Variants in ATCAY observed in about 807,000 individuals in gnomAD.
ATCAY encodes the protein ATCAY kinesin light chain interacting caytaxin.
Under a neutral mutation model 47.7 loss-of-function variants are expected in ATCAY, and 22 were observed. The observed-to-expected ratio is 0.46, with a 90% CI of 0.33 to 0.66. The LOEUF (loss-of-function observed/expected upper bound fraction) is 0.66. ATCAY is among the 30% of genes least tolerant of loss of function. The pLI, the probability that ATCAY is intolerant of heterozygous loss-of-function variation, is 0.02. For missense variants in ATCAY, 452 were observed against 515.0 expected (o/e 0.88, Z 1.18); for synonymous variants, 216 against 207.6 (o/e 1.04, Z -0.35).
intron 8 of ATCAY, among the ~76,000 whole-genome samples, chr19:3,912,793 G>A (rs1325572344): frequency 6.6e-6 from 1 of 151,962 alleles, no homozygotes; most frequent in African/African-American, 2.4e-5. Context: ...GCTGAGGGAG[G>A]AGGATCACTT....
rs112981952 is a variant in ATCAY at position 3,885,971 on chromosome 19, G to A, written c.77+127G>A. On this transcript the variant is annotated intron_variant, in intron 2 of 12. Coordinates refer to ENST00000450849, the MANE Select transcript of ATCAY (RefSeq NM_033064.5). ...GGGGCTGGCCTGGTTCCATCTCCGC[G>A]TCCTCCTCTCCCGCACACTCTGGGA... 225 of 876,018 alleles carry A rather than the reference G, an allele frequency of 2.6e-4. No homozygotes were observed. The African/African-American group carries it at 2.9e-3, about 11-fold the overall frequency. The allele number at this position is 876,018 out of a possible 1,614,324, so 54.3% of individuals were successfully genotyped here.
chr19:3,897,262 G>A (rs1028425509), intron 2 of ATCAY, among the ~76,000 whole-genome samples: 2 of 124,782 alleles, frequency 1.6e-5, no homozygotes, highest in African/African-American at 3.2e-5. Flanking sequence ...TTTGAAGTTT[G>A]CTATATATAT....
In ATCAY at chr19:3,887,171, CAG is replaced by C. The variant is rs931463348; in HGVS notation, c.77+1328_77+1329del. On this transcript the variant is annotated intron_variant, in intron 2 of 12. Transcript: ENST00000450849. The stretch of plus-strand genomic sequence containing the variant: ...GATCACTGGTCAGAATAAGAAATCA[CAG>C]GGGCTGGGCACGGTGGCTCACGCCT... Among the ~76,000 whole-genome samples, 16 of 152,136 alleles carry C rather than the reference CAG, an allele frequency of 1.1e-4. 2 individuals carry two copies. The highest frequency in any genetic ancestry group is 3.9e-4 in the East Asian group (2 of 5,146).
chr19:3,917,621 G>GAAA, intron 9 of ATCAY, 121 bp from the exon 10 acceptor site: 1 of 415,150 alleles, frequency 2.4e-6, no homozygotes. Flanking sequence ...GGAAGAAGAA[G>GAAA]AAGAAGAAAA....
Position 3,885,711 on chromosome 19 carries a change from T to C in ATCAY, c.-41-16T>C. 1 of 1,468,114 alleles carries C rather than the reference T, an allele frequency of 6.8e-7. No homozygotes were observed. The highest frequency in any genetic ancestry group is 9.3e-7 in the Non-Finnish European group (1 of 1,074,620). The allele number at this position is 1,468,114 out of a possible 1,614,324, so 90.9% of individuals were successfully genotyped here. A position where few individuals can be genotyped will look rare whatever the true frequency, so the allele number is the denominator to read the frequency against. ...TATTGTCCAGTAAAACCCATTCCTC[T>C]GCGGCTTCCTTTCAGGGGTCATCCC... On this transcript the variant is annotated splice_polypyrimidine_tract_variant and intron_variant, in intron 1 of 12. Transcript: ENST00000450849.
chr19:3,918,938 T>A, intron 11 of ATCAY, 61 bp downstream of exon 11: 1 of 1,579,706 alleles, frequency 6.3e-7, no homozygotes. Flanking sequence ...CCTACTCCCT[T>A]GGGGGAGGCT....
chr19:3,902,608 C>A, intron 3 of ATCAY, 63 bp downstream of exon 3: 3 of 1,492,666 alleles, frequency 2.0e-6, no homozygotes, highest in South Asian at 1.2e-5. Flanking sequence ...TCAGCCCTGC[C>A]TGGGGCTGTA....
In ATCAY at chr19:3,927,335, G is replaced by C. The variant is rs577128024; in HGVS notation, c.*2743G>C. 5.3e-5 allele frequency: 8 copies of C among 152,330 alleles called. No homozygotes were observed. Among genetic ancestry groups the C allele is most frequent in the African/African-American group, 1.9e-4 (8 of 41,552 alleles). 9.4% of individuals were successfully genotyped at this position (152,330 alleles called of 1,614,324 possible). A position where few individuals can be genotyped will look rare whatever the true frequency, so the allele number is the denominator to read the frequency against. ...ATTTGTCCCAGGTGACCAAAGGCACGCAGCTCCAGCATGAATCGTTCTAAC... is the reference window on the plus strand; with the variant it reads ...ATTTGTCCCAGGTGACCAAAGGCACCCAGCTCCAGCATGAATCGTTCTAAC... On this transcript the variant is annotated 3_prime_UTR_variant, in exon 13 of 13. Coordinates refer to ENST00000450849, the MANE Select transcript of ATCAY (RefSeq NM_033064.5).
intron 12 of ATCAY, among the ~76,000 whole-genome samples, chr19:3,923,919 T>G (rs2039042670): frequency 8.3e-6 from 1 of 119,882 alleles, no homozygotes; most frequent in Non-Finnish European, 1.7e-5. Context: ...TGGGTGGTTG[T>G]ATGGTTGGTT....
chr19:3,885,109 TAAAAAAAAA>T (rs34258948), intron 1 of ATCAY, among the ~76,000 whole-genome samples: 8 of 70,326 alleles, frequency 1.1e-4, no homozygotes, highest in Admixed American at 2.5e-4. Context: ...TTTTTTTTTT[TAAAAAAAAA>T]AAAAAAAAAA....
At chr19:3,885,109 TAAAA>T (rs34258948) in intron 1 of ATCAY, among the ~76,000 whole-genome samples, 19 of 70,312 alleles carry the variant, frequency 2.7e-4, no homozygotes, top group Admixed American at 2.0e-3. Flanking sequence ...TTTTTTTTTT[TAAAA>T]AAAAAAAAAA....
In ATCAY at chr19:3,909,554, C is replaced by T. The variant is rs753265304; in HGVS notation, c.716C>T (p.Thr239Met). 11 of 1,613,658 alleles carry T rather than the reference C, an allele frequency of 6.8e-6. No individual in the cohort carries two copies. Among genetic ancestry groups the T allele is most frequent in the South Asian group, 1.1e-5 (1 of 91,038 alleles). The change falls in exon 7 of 13, where the codon ACG (threonine) becomes ATG (methionine). Residue 239 changes from threonine (T) to methionine (M), a missense_variant. Physicochemically the swap from Thr to Met is moderately conservative, Grantham distance 81. Coordinates refer to ENST00000450849, the MANE Select transcript of ATCAY (RefSeq NM_033064.5). Reference sequence around the variant, plus strand: ...ATGATCGTGTACCTGAACGGTGCCACGCCCCGGCGGAGGATGCCTGGAATC... The same window carrying T: ...ATGATCGTGTACCTGAACGGTGCCATGCCCCGGCGGAGGATGCCTGGAATC... ...DYMIVYLNGA[T>M]PRRRMPGIGW...
intron 2 of ATCAY, among the ~76,000 whole-genome samples, chr19:3,901,474 G>A (rs1372770792): frequency 6.6e-6 from 1 of 151,822 alleles, no homozygotes; most frequent in African/African-American, 2.4e-5. Context: ...AATACTTTTT[G>A]CTGCATTTGA....
chr19:3,913,125 T>A (rs902178202), intron 8 of ATCAY, among the ~76,000 whole-genome samples: 2 of 151,752 alleles, frequency 1.3e-5, no homozygotes, highest in African/African-American at 2.4e-5. Context: ...CCATCTCCAT[T>A]AAAAATACAA....
Position 3,926,672 on chromosome 19 carries a change from T to A in ATCAY, c.*2080T>A, listed in dbSNP as rs1222857008. ...GGGACAGGGTCCTGCGCGAGTCCCA[T>A]CCCCAAAAGCCAGCAGCTCCTGCCA... On this transcript the variant is annotated 3_prime_UTR_variant, in exon 13 of 13. Transcript: ENST00000450849. 1 of 152,120 alleles carries A rather than the reference T, an allele frequency of 6.6e-6. No homozygotes were observed. Among genetic ancestry groups the A allele is most frequent in the African/African-American group, 2.4e-5 (1 of 41,416 alleles). 9.4% of individuals were successfully genotyped at this position (152,120 alleles called of 1,614,324 possible).
At chr19:3,906,886 C>G (rs1313628463) in intron 4 of ATCAY, among the ~76,000 whole-genome samples, 2 of 151,926 alleles carry the variant, frequency 1.3e-5, no homozygotes, top group African/African-American at 4.8e-5. Context: ...GCCTGTAATC[C>G]CAGCACTTTG....
rs1005758114 is a variant in ATCAY at position 3,899,558 on chromosome 19, G to A, written c.78-2929G>A. 3.3e-5 allele frequency among the ~76,000 whole-genome samples: 5 copies of A among 151,854 alleles called. No individual in the cohort carries two copies. In the South Asian group the frequency reaches 8.3e-4, roughly 25 times the overall value. ...TTGAACTCCTGACCTCAGGTGATCC[G>A]CCCGCCTCGGCCTCCCTAAGTGCCA... On this transcript the variant is annotated intron_variant, in intron 2 of 12. Coordinates refer to ENST00000450849, the MANE Select transcript of ATCAY (RefSeq NM_033064.5).
At chr19:3,911,001 GTGTGTGTGTGCATCCA>G (rs2038918146) in intron 8 of ATCAY, 112 bp downstream of exon 8, 3 of 1,090,928 alleles carry the variant, frequency 2.7e-6, no homozygotes, top group Admixed American at 1.9e-5. Flanking sequence ...GTGTGCATCT[GTGTGTGTGTGCATCCA>G]TGTGTGTGTT....
rs538114748 is a variant in ATCAY, at chr19:3,888,874, T to C, written c.77+3030T>C. Among the ~76,000 whole-genome samples the C allele has an allele frequency of 1.1e-3, 167 of 152,112 alleles. 1 individual carries two copies. Among genetic ancestry groups the C allele is most frequent in the African/African-American group, 3.8e-3 (156 of 41,522 alleles). ...GACGGCATCTTGATATTCAAGAACTTCAGCCCTCTCCTGAATCCAGTCATT... is the reference window on the plus strand; with the variant it reads ...GACGGCATCTTGATATTCAAGAACTCCAGCCCTCTCCTGAATCCAGTCATT... On this transcript the variant is annotated intron_variant, in intron 2 of 12. Coordinates refer to ENST00000450849, the MANE Select transcript of ATCAY (RefSeq NM_033064.5).
Sources: allele counts gnomAD v4.1 joint callset (sites outside exome capture counted in the v4.1 genomes callset), GRCh38; gene constraint gnomAD v4.1.1; transcripts MANE v1.5; gene names NCBI Gene and HGNC (gene_info 2026-07-23, HGNC 2026-07-21).